The following NAA38 variants were observed in gnomAD, a reference collection of about 807,000 sequenced individuals.
NAA38 encodes N-alpha-acetyltransferase 38, NatC auxiliary subunit.
A neutral mutation model predicts 12.6 loss-of-function variants in NAA38; 15 were observed. The ratio of observed to expected loss-of-function variants is 1.19; its 90% CI spans 0.79 to 1.83. The LOEUF (loss-of-function observed/expected upper bound fraction) is 1.83. Among genes scored for constraint, NAA38 ranks in the 40% most tolerant of loss-of-function variants. NAA38 has a pLI of 0.00. For synonymous variants in NAA38, 88 were observed against 69.9 expected, an observed-to-expected ratio of 1.26 and a Z score of -1.29; for missense variants, 183 against 171.7, an observed-to-expected ratio of 1.07 and a Z score of -0.37.
At chr17:7,874,448 A>G (rs933409362) in intron 2 of NAA38, among the ~76,000 whole-genome samples, 5 of 152,330 alleles carry the variant, frequency 3.3e-5, no homozygotes, top group Non-Finnish European at 5.9e-5. Flanking sequence ...GCCAGATGTC[A>G]GTCTTCAATG....
chr17:7,862,379 A>G (rs2151387721), upstream of NAA38: 1 of 152,290 alleles, frequency 6.6e-6, no homozygotes, highest in African/African-American at 2.4e-5. Flanking sequence ...TTCCTGTGCT[A>G]TAGTCTCTAT....
chr17:7,859,473 A>T, upstream of NAA38: 3 of 1,614,210 alleles, frequency 1.9e-6, no homozygotes. Flanking sequence ...TATGAAGGGA[A>T]GAACCTGAAC....
upstream of NAA38, chr17:7,858,779 C>T (rs1281430909): frequency 1.9e-6 from 3 of 1,580,012 alleles, 1 homozygote; most frequent in South Asian, 1.2e-5. Flanking sequence ...AGACCCGGAG[C>T]ATCCGCATCA....
chr17:7,857,335 C>T lies in NAA38; in HGVS notation c.81+48G>A, dbSNP rs763690209. 132 of 1,613,146 alleles carry T rather than the reference C, an allele frequency of 8.2e-5. No homozygotes were observed. Among genetic ancestry groups the T allele is most frequent in the Non-Finnish European group, 1.1e-4 (130 of 1,179,944 alleles). On this transcript the variant is annotated intron_variant, in intron 1 of 2. Coordinates refer to ENST00000575771, the MANE Select transcript of NAA38 (RefSeq NM_001320925.4). ...AGCTGCAGTTCCCCACCCCCTCCAT[C>T]TTGCTGCTTGACTGCCCCTCAGTCC...
chr17:7,862,334 G>C (rs1302088050), upstream of NAA38: 6 of 152,104 alleles, frequency 3.9e-5, no homozygotes, highest in Non-Finnish European at 7.4e-5. Context: ...TTGTGTCCTA[G>C]TAGGCAAGGA....
chr17:7,858,332 T>A (rs575241130), upstream of NAA38: 17 of 1,613,924 alleles, frequency 1.1e-5, no homozygotes, highest in South Asian at 1.9e-4. Context: ...GGAGTGTGTG[T>A]GTGTGCACGC....
upstream of NAA38, chr17:7,859,893 C>T: frequency 2.3e-6 from 1 of 435,900 alleles, no homozygotes; most frequent in South Asian, 2.5e-5. Flanking sequence ...TCAGGCAGAA[C>T]TGTTTGATAG....
At chr17:7,858,310 T>TGGGCCG, upstream of NAA38, 1 of 1,613,890 alleles carries the variant, frequency 6.2e-7, no homozygotes, top group Non-Finnish European at 8.5e-7. Flanking sequence ...GGCCACACGT[T>TGGGCCG]GGGCCGGGGC....
chr17:7,870,826 T>G (rs1967072950), intron 2 of NAA38, among the ~76,000 whole-genome samples: 1 of 151,032 alleles, frequency 6.6e-6, no homozygotes, highest in South Asian at 2.1e-4. Context: ...GGTGGAGGTT[T>G]CGGTGAGCCG....
At chr17:7,875,156 C>T (rs1470750730) in intron 2 of NAA38, among the ~76,000 whole-genome samples, 1 of 152,054 alleles carries the variant, frequency 6.6e-6, no homozygotes, top group Non-Finnish European at 1.5e-5. Flanking sequence ...GATCACGCCA[C>T]TGCACTCCAG....
chr17:7,866,778 G>A (rs1407889669), intron 2 of NAA38, among the ~76,000 whole-genome samples: 1 of 152,168 alleles, frequency 6.6e-6, no homozygotes, highest in East Asian at 1.9e-4. Context: ...GTAATTCACT[G>A]TTTAATGTCC....
intron 2 of NAA38, among the ~76,000 whole-genome samples, chr17:7,867,191 G>A (rs748438389): frequency 9.2e-5 from 14 of 152,030 alleles, no homozygotes; most frequent in South Asian, 2.1e-4. Context: ...AGCGGGAGGC[G>A]GGGGAGGGAA....
chr17:7,857,638 C>G, upstream of NAA38: 3 of 1,352,976 alleles, frequency 2.2e-6, no homozygotes, highest in Non-Finnish European at 2.8e-6. Flanking sequence ...TTCTCTAGCG[C>G]TGTGGCTCAC....
chr17:7,885,231 T>C, upstream of NAA38: 1 of 742,234 alleles, frequency 1.3e-6, no homozygotes, highest in Non-Finnish European at 1.6e-6. Context: ...CCCGCGGCGG[T>C]CCGGGAGGTC....
chr17:7,858,528 G>C, upstream of NAA38: 1 of 1,613,824 alleles, frequency 6.2e-7, no homozygotes, highest in Non-Finnish European at 8.5e-7. Flanking sequence ...ATGGAGAGCG[G>C]GGATGGGAAG....
At chr17:7,878,734 G>T (rs368739082) in intron 2 of NAA38, among the ~76,000 whole-genome samples, 2 of 151,996 alleles carry the variant, frequency 1.3e-5, no homozygotes, top group African/African-American at 4.8e-5. Flanking sequence ...CTCATAAAAA[G>T]ATATTTAAAA....
At chr17:7,878,977 A>G (rs1967223664) in intron 2 of NAA38, among the ~76,000 whole-genome samples, 1 of 150,932 alleles carries the variant, frequency 6.6e-6, no homozygotes, top group South Asian at 2.1e-4. Flanking sequence ...AACATAAAAT[A>G]TAAGCATATA....
At chr17:7,858,705 G>C, upstream of NAA38, 1 of 1,611,044 alleles carries the variant, frequency 6.2e-7, no homozygotes. Context: ...TTCGGACTGG[G>C]CCAACGATTT....
chr17:7,869,782 A>C (rs1202484632), intron 2 of NAA38, among the ~76,000 whole-genome samples: 1 of 151,994 alleles, frequency 6.6e-6, no homozygotes, highest in Non-Finnish European at 1.5e-5. Context: ...GAAAAGAAAA[A>C]AAAATATTTT....
Sources: allele counts gnomAD v4.1 joint callset (sites outside exome capture counted in the v4.1 genomes callset), GRCh38; gene constraint gnomAD v4.1.1; transcripts MANE v1.5; gene names NCBI Gene and HGNC (gene_info 2026-07-23, HGNC 2026-07-21).